The following STAU2 variants were observed in gnomAD, a reference collection of about 807,000 sequenced individuals.
The protein encoded by STAU2 is double-stranded RNA-binding protein Staufen homolog 2.
A neutral mutation model predicts 65.9 loss-of-function variants in STAU2; 20 were observed. That is an observed-to-expected ratio of 0.30 (90% CI 0.21 to 0.44). The LOEUF is 0.44. Among genes scored for constraint, STAU2 ranks in the 20% least tolerant of loss-of-function variants. The pLI is 1.00. For synonymous variants in STAU2, 232 were observed against 233.9 expected (o/e 0.99, Z 0.07); for missense variants, 558 against 683.9 (o/e 0.82, Z 2.05).
intron 13 of STAU2, among the ~76,000 whole-genome samples, chr8:73,450,438 C>T (rs1049473487): frequency 4.6e-5 from 7 of 152,122 alleles, no homozygotes; most frequent in African/African-American, 1.7e-4. Context: ...TAACCAAAGC[C>T]ACGGATGAGA....
At chr8:73,513,144 T>C (rs1037221483) in intron 13 of STAU2, among the ~76,000 whole-genome samples, 1 of 152,210 alleles carries the variant, frequency 6.6e-6, no homozygotes, top group African/African-American at 2.4e-5. Flanking sequence ...TAACTCTGGA[T>C]TTTTATGTTC....
intron 13 of STAU2, among the ~76,000 whole-genome samples, chr8:73,501,977 A>G (rs1295886579): frequency 6.6e-6 from 1 of 151,972 alleles, no homozygotes; most frequent in African/African-American, 2.4e-5. Context: ...GTGTGTGTGC[A>G]GAACTAGGAC....
At chr8:73,657,497 C>T (rs1011104215) in intron 6 of STAU2, among the ~76,000 whole-genome samples, 1 of 151,768 alleles carries the variant, frequency 6.6e-6, no homozygotes, top group African/African-American at 2.4e-5. Context: ...AAACAATGGT[C>T]GAAGGAGAAT....
intron 3 of STAU2, among the ~76,000 whole-genome samples, chr8:73,716,549 T>A (rs74868176): frequency 0.028 from 4,295 of 152,322 alleles, 172 homozygotes; most frequent in African/African-American, 0.094. Context: ...ACACAGTGTG[T>A]CCTTACCAGT....
chr8:73,520,121 G>C (rs1822963348), intron 13 of STAU2, among the ~76,000 whole-genome samples: 1 of 152,244 alleles, frequency 6.6e-6, no homozygotes, highest in African/African-American at 2.4e-5. Flanking sequence ...AGGACTGCTA[G>C]AGCATAAAGC....
intron 6 of STAU2, among the ~76,000 whole-genome samples, chr8:73,626,498 T>C (rs1813650766): frequency 6.6e-6 from 1 of 152,226 alleles, no homozygotes; most frequent in Non-Finnish European, 1.5e-5. Context: ...TAAAAGGATC[T>C]TGTTGCTATT....
At chr8:73,459,925 G>A (rs188484207) in intron 13 of STAU2, among the ~76,000 whole-genome samples, 22 of 152,262 alleles carry the variant, frequency 1.4e-4, no homozygotes, top group Admixed American at 1.2e-3. Flanking sequence ...GGCCTCCTGC[G>A]TCCCCAGCCC....
chr8:73,552,984 C>T lies in STAU2; in HGVS notation c.1223-665G>A, dbSNP rs533533849. Among the ~76,000 whole-genome samples, 139 of 152,288 alleles carry T rather than the reference C, an allele frequency of 9.1e-4. 1 individual carries two copies. Among genetic ancestry groups the T allele is most frequent in the African/African-American group, 3.1e-3 (130 of 41,566 alleles). ...GATTTACTCATAAGCAAGTAGTTAT[C>T]GTGTTGCTCAAACATCTCAAGAATA... is the stretch of plus-strand genomic sequence containing the variant. On this transcript the variant is annotated intron_variant, in intron 12 of 14. Transcript: ENST00000524300.
At position 73,611,662 on chromosome 8, in the gene STAU2, T is replaced by C. The variant is rs1812473277; in HGVS notation, c.891+2082A>G. ...CCAGCCTAACAGTTTATTATGATGA[T>C]TATTATTATGATTATTATTATTATT... On this transcript the variant is annotated intron_variant, in intron 9 of 14. Transcript: ENST00000524300. Among the ~76,000 whole-genome samples the C allele has an allele frequency of 2.7e-5, 4 of 150,152 alleles. No individual in the cohort carries two copies. In the South Asian group the frequency reaches 8.3e-4, roughly 31 times the overall value.
chr8:73,497,968 G>A (rs1239965879), intron 13 of STAU2, among the ~76,000 whole-genome samples: 1 of 151,796 alleles, frequency 6.6e-6, no homozygotes, highest in African/African-American at 2.4e-5. Context: ...GTGAAAGCTG[G>A]TAATGATACA....
chr8:73,670,188 T>C (rs1817567769), intron 6 of STAU2, among the ~76,000 whole-genome samples: 1 of 152,086 alleles, frequency 6.6e-6, no homozygotes, highest in African/African-American at 2.4e-5. Flanking sequence ...AAATGTGTTG[T>C]CCCTTGTGCC....
chr8:73,711,575 G>A (rs1820906134), intron 3 of STAU2, among the ~76,000 whole-genome samples: 2 of 152,078 alleles, frequency 1.3e-5, no homozygotes, highest in Non-Finnish European at 2.9e-5. Context: ...CAAACATAGT[G>A]TGAAAATTTT....
chr8:73,661,377 C>T (rs990292006), intron 6 of STAU2, among the ~76,000 whole-genome samples: 1 of 151,944 alleles, frequency 6.6e-6, no homozygotes, highest in African/African-American at 2.4e-5. Flanking sequence ...AAGCAAAAAT[C>T]TGGCGCTTTC....
chr8:73,496,477 T>A (rs1324369426), intron 13 of STAU2, among the ~76,000 whole-genome samples: 1 of 151,690 alleles, frequency 6.6e-6, no homozygotes, highest in African/African-American at 2.4e-5. Context: ...GGTCTGAGTA[T>A]CAGCTCTGCC....
At chr8:73,453,132 C>T (rs7819319) in intron 13 of STAU2, among the ~76,000 whole-genome samples, 32,560 of 152,118 alleles carry the variant, frequency 0.21, 4,347 homozygotes, top group East Asian at 0.38. Context: ...ATAAGACTTG[C>T]AGCTGCAGGT....
At position 73,730,679 on chromosome 8, in the gene STAU2, A is replaced by G. The variant is rs1490658343; in HGVS notation, c.-18+7605T>C. Among the ~76,000 whole-genome samples, 3 of 144,858 alleles carry G rather than the reference A, an allele frequency of 2.1e-5. No homozygotes were observed. In the East Asian group the frequency reaches 6.6e-4, roughly 32 times the overall value. On this transcript the variant is annotated intron_variant, in intron 3 of 14. Coordinates refer to ENST00000524300, the MANE Select transcript of STAU2 (RefSeq NM_001164380.2). ...GAGGCAGAGGTTGCGGTGAGCCAAG[A>G]TGGAGACATTGCACTCTGGGCTGGG...
At chr8:73,555,881 A>T (rs931835784) in intron 12 of STAU2, among the ~76,000 whole-genome samples, 1 of 152,182 alleles carries the variant, frequency 6.6e-6, no homozygotes, top group African/African-American at 2.4e-5. Context: ...CCTTTATGTT[A>T]GCTTTCAAAT....
upstream of STAU2, chr8:73,747,403 G>C (rs1048928580): frequency 9.8e-6 from 15 of 1,535,146 alleles, no homozygotes; most frequent in Non-Finnish European, 1.2e-5. Context: ...CAGGCTCTCC[G>C]GCTGCCCCTC....
chr8:73,568,065 C>T (rs1042817524), intron 12 of STAU2, among the ~76,000 whole-genome samples: 1 of 152,200 alleles, frequency 6.6e-6, no homozygotes, highest in South Asian at 2.1e-4. Context: ...GCACTGCCTT[C>T]CTGAACCTTA....
Sources: gnomAD v4.1 joint callset for allele counts (sites outside exome capture counted in the v4.1 genomes callset) on GRCh38, gnomAD v4.1.1 for gene constraint, MANE v1.5 for transcripts, NCBI Gene and HGNC (gene_info 2026-07-23, HGNC 2026-07-21) for gene names.